SCYL2: variants seen among roughly 807,000 people sequenced by gnomAD.
The protein encoded by SCYL2 is SCY1 like pseudokinase 2, also known as SCY1-like protein 2.
A neutral mutation model predicts 100.4 loss-of-function variants in SCYL2; 36 were observed. The ratio of observed to expected loss-of-function variants is 0.36; its 90% CI spans 0.27 to 0.47. The LOEUF (loss-of-function observed/expected upper bound fraction) is 0.47. Among genes scored for constraint, SCYL2 ranks in the 20% least tolerant of loss-of-function variants. The probability of loss-of-function intolerance (pLI) is 1.00; values close to 1 mark genes in which losing one functional copy is unlikely to be tolerated. For missense variants in SCYL2, 902 were observed against 1,083.9 expected, an observed-to-expected ratio of 0.83 and a Z score of 2.36; for synonymous variants, 330 against 359.2, an observed-to-expected ratio of 0.92 and a Z score of 0.92.
At chr12:100,319,133 T>C in intron 10 of SCYL2, 1 of 439,316 alleles carries the variant, frequency 2.3e-6, no homozygotes, top group Non-Finnish European at 4.6e-6. Context: ...TTAAGGTCAC[T>C]TTTTGGACTT....
Position 100,338,562 on chromosome 12 carries a change from T to C in SCYL2, c.2180T>C (p.Met727Thr). ...KDLTDTLMDN[M>T]SSLTSLSVST... ...TTGACAGACACACTGATGGATAATA[T>C]GTCATCCTTGACCAGCCTTTCTGTT... Residue 727 changes from methionine (M) to threonine (T), a missense_variant, in exon 18 of 18, where the codon ATG becomes ACG. Coordinates refer to ENST00000360820, the MANE Select transcript of SCYL2 (RefSeq NM_017988.6). 1 of 1,612,714 alleles carries C rather than the reference T, an allele frequency of 6.2e-7. No homozygotes were observed. Among genetic ancestry groups the C allele is most frequent in the Non-Finnish European group, 8.5e-7 (1 of 1,179,164 alleles).
At chr12:100,325,134 C>T (rs1003720502) in intron 11 of SCYL2, among the ~76,000 whole-genome samples, 1 of 152,066 alleles carries the variant, frequency 6.6e-6, no homozygotes, top group African/African-American at 2.4e-5. Context: ...GAGGTCGAGG[C>T]TGCAGTGAGT....
intron 2 of SCYL2, among the ~76,000 whole-genome samples, chr12:100,285,241 C>CT (rs1452571967): frequency 1.3e-5 from 2 of 152,194 alleles, no homozygotes; most frequent in African/African-American, 4.8e-5. Flanking sequence ...CTACCCTGTC[C>CT]TTTAACACTA....
chr12:100,320,895 T>G (rs1053640229), intron 10 of SCYL2, among the ~76,000 whole-genome samples: 2 of 152,122 alleles, frequency 1.3e-5, no homozygotes, highest in Non-Finnish European at 2.9e-5. Context: ...CCATCTGTGG[T>G]CCTTAATTAA....
At chr12:100,281,651 G>A (rs2096298528) in intron 1 of SCYL2, among the ~76,000 whole-genome samples, 1 of 152,154 alleles carries the variant, frequency 6.6e-6, no homozygotes, top group South Asian at 2.1e-4. Context: ...GGCTAACACG[G>A]TGAAACCCTG....
chr12:100,301,738 A>G (rs1176954506), intron 4 of SCYL2, among the ~76,000 whole-genome samples: 2 of 152,248 alleles, frequency 1.3e-5, no homozygotes, highest in Admixed American at 6.5e-5. Flanking sequence ...TGGGCACCTC[A>G]AGAACCCACT....
At chr12:100,334,307 A>G in intron 14 of SCYL2, 41 bp downstream of exon 14, 1 of 1,092,172 alleles carries the variant, frequency 9.2e-7, no homozygotes, top group Non-Finnish European at 1.4e-6. Context: ...TCCGGGAGTG[A>G]AATTATAGTT....
rs187545707 is a variant in SCYL2 at position 100,284,567 on chromosome 12, A to G, written c.177+1420A>G. On this transcript the variant is annotated intron_variant, in intron 2 of 17. Coordinates refer to ENST00000360820, the MANE Select transcript of SCYL2 (RefSeq NM_017988.6). ...AGCCTCTGCCTCCCAGGTTGAAGCA[A>G]TTCTCCCACCTCAGCTTCCCAAGTA... Among the ~76,000 whole-genome samples the G allele has an allele frequency of 1.7e-3, 265 of 152,202 alleles. 1 individual carries two copies. The highest frequency in any genetic ancestry group is 6.0e-3 in the African/African-American group (249 of 41,518).
rs563417637 is a variant in SCYL2, at chr12:100,341,454, C to T, written c.*2282C>T. The T allele has an allele frequency of 1.3e-5, 2 of 152,248 alleles. No individual in the cohort carries two copies. Among genetic ancestry groups the T allele is most frequent in the South Asian group, 2.1e-4 (1 of 4,818 alleles). The allele number at this position is 152,248 out of a possible 1,614,324, so 9.4% of individuals were successfully genotyped here. ...CTTGCATTTGAATTAGTTCTCTATT[C>T]TCCTATTGCTAAATGTGTGATATAT... On this transcript the variant is annotated 3_prime_UTR_variant, in exon 18 of 18. Coordinates refer to ENST00000360820, the MANE Select transcript of SCYL2 (RefSeq NM_017988.6).
chr12:100,278,398 C>A (rs2096294708), intron 1 of SCYL2, among the ~76,000 whole-genome samples: 1 of 151,982 alleles, frequency 6.6e-6, no homozygotes, highest in Non-Finnish European at 1.5e-5. Flanking sequence ...TGGGGTCTTA[C>A]TGTGTTGCCT....
intron 13 of SCYL2, among the ~76,000 whole-genome samples, chr12:100,329,869 C>T (rs1952187116): frequency 1.3e-5 from 2 of 152,178 alleles, no homozygotes; most frequent in South Asian, 4.1e-4. Context: ...GTACTTAGGG[C>T]CTCCATTCTT....
intron 5 of SCYL2, 70 bp from the exon 6 acceptor site, chr12:100,312,362 A>C: frequency 8.8e-7 from 1 of 1,135,482 alleles, no homozygotes; most frequent in Non-Finnish European, 1.3e-6. Flanking sequence ...ATTTAAAGAT[A>C]GATTACTACT....
At chr12:100,303,906 A>C (rs974644622) in intron 4 of SCYL2, among the ~76,000 whole-genome samples, 1 of 152,144 alleles carries the variant, frequency 6.6e-6, no homozygotes, top group African/African-American at 2.4e-5. Context: ...TGGGAGTTTT[A>C]TGTATAAACC....
At chr12:100,296,935 A>T (rs2096321556) in intron 3 of SCYL2, 2 of 152,214 alleles carry the variant, frequency 1.3e-5, no homozygotes, top group Non-Finnish European at 2.9e-5. Flanking sequence ...GCTTCTGCAT[A>T]TGCTCTCATT....
At chr12:100,303,118 T>C (rs1438701513) in intron 4 of SCYL2, among the ~76,000 whole-genome samples, 1 of 152,174 alleles carries the variant, frequency 6.6e-6, no homozygotes, top group African/African-American at 2.4e-5. Context: ...ATTTATGTTC[T>C]TCTCTAAACT....
rs2096303176 is a variant in SCYL2 at position 100,285,203 on chromosome 12, C to T, written c.177+2056C>T. Among the ~76,000 whole-genome samples the T allele has an allele frequency of 2.0e-5, 3 of 152,200 alleles. No individual in the cohort carries two copies. The South Asian group carries it at 6.2e-4, about 32-fold the overall frequency. ...CTCATGTCCTTTCCTGTCATTATCCCTAACCCCCTTCTCTCCAGGGATAAC... is the reference window on the plus strand; with the variant it reads ...CTCATGTCCTTTCCTGTCATTATCCTTAACCCCCTTCTCTCCAGGGATAAC... On this transcript the variant is annotated intron_variant, in intron 2 of 17. Transcript: ENST00000360820.
Position 100,267,188 on chromosome 12 carries a change from C to T in SCYL2, c.-633C>T, listed in dbSNP as rs1695106350. On this transcript the variant is annotated 5_prime_UTR_variant, in exon 1 of 18. Coordinates refer to ENST00000360820, the MANE Select transcript of SCYL2 (RefSeq NM_017988.6). ...CCGGCAGGTCTTTTAGTCTTTTTCC[C>T]CCTCCCTTACTCTTCGTCCCCGGTC... 3 of 1,180,696 alleles carry T rather than the reference C, an allele frequency of 2.5e-6. No individual in the cohort carries two copies. Among genetic ancestry groups the T allele is most frequent in the Middle Eastern group, 2.9e-4 (1 of 3,448 alleles). The allele number at this position is 1,180,696 out of a possible 1,614,324, so 73.1% of individuals were successfully genotyped here. A position where few individuals can be genotyped will look rare whatever the true frequency, so the allele number is the denominator to read the frequency against.
intron 3 of SCYL2, among the ~76,000 whole-genome samples, chr12:100,294,457 C>G (rs1371783582): frequency 2.7e-5 from 3 of 112,702 alleles, no homozygotes; most frequent in Non-Finnish European, 3.7e-5. Flanking sequence ...GTAGGGGCGG[C>G]CGGGCAGAGG....
intron 11 of SCYL2, 117 bp downstream of exon 11, chr12:100,323,755 A>G: frequency 1.6e-6 from 1 of 607,630 alleles, no homozygotes; most frequent in Non-Finnish European, 2.9e-6. Context: ...TTGGCTGTAG[A>G]TAACTTGTAT....
Sources: allele counts gnomAD v4.1 joint callset (sites outside exome capture counted in the v4.1 genomes callset), GRCh38; gene constraint gnomAD v4.1.1; transcripts MANE v1.5; gene names NCBI Gene and HGNC (gene_info 2026-07-23, HGNC 2026-07-21).